Variants in GALNT14 observed in about 807,000 individuals in gnomAD.
GALNT14 encodes the protein polypeptide N-acetylgalactosaminyltransferase 14.
Under a neutral mutation model 77.5 loss-of-function variants are expected in GALNT14, and 60 were observed. The observed-to-expected ratio is 0.77, with a 90% CI of 0.63 to 0.96. The LOEUF is 0.96. Ranked by LOEUF, GALNT14 falls within the 40% of genes least tolerant of loss-of-function variation. The pLI is 0.00. For missense variants in GALNT14, 710 were observed against 731.0 expected (o/e 0.97, Z 0.33); for synonymous variants, 280 against 281.7 (o/e 0.99, Z 0.06).
chr2:30,939,298 G>A (rs112873855), intron 9 of GALNT14, among the ~76,000 whole-genome samples: 51 of 152,296 alleles, frequency 3.3e-4, no homozygotes, highest in African/African-American at 1.1e-3. Flanking sequence ...AAGCTTTCTG[G>A]TTCTAGAGGA....
chr2:31,053,568 AG>A (rs1390559492), intron 1 of GALNT14, among the ~76,000 whole-genome samples: 2 of 152,158 alleles, frequency 1.3e-5, no homozygotes, highest in Admixed American at 6.5e-5. Context: ...AAATGCAACC[AG>A]GGACCATGCC....
At chr2:30,991,703 G>A (rs1275473161) in intron 2 of GALNT14, among the ~76,000 whole-genome samples, 3 of 152,178 alleles carry the variant, frequency 2.0e-5, no homozygotes, top group Non-Finnish European at 4.4e-5. Flanking sequence ...AGCTGCTTTT[G>A]GCAATGATGG....
chr2:30,906,985 G>C, downstream of GALNT14, among the ~76,000 whole-genome samples: 1 of 152,268 alleles, frequency 6.6e-6, no homozygotes, highest in South Asian at 2.1e-4. Flanking sequence ...AATGAAGGCC[G>C]AAATAAAGAT....
At chr2:30,996,069 G>A (rs1347190524) in intron 1 of GALNT14, among the ~76,000 whole-genome samples, 1 of 152,314 alleles carries the variant, frequency 6.6e-6, no homozygotes, top group East Asian at 1.9e-4. Flanking sequence ...CAACGCTGGG[G>A]AGGGCAATCT....
intron 1 of GALNT14, among the ~76,000 whole-genome samples, chr2:31,025,567 G>C (rs944874651): frequency 6.6e-6 from 1 of 152,188 alleles, no homozygotes; most frequent in African/African-American, 2.4e-5. Context: ...CGGCAGGCTT[G>C]TCAACCAACC....
intron 1 of GALNT14, among the ~76,000 whole-genome samples, chr2:31,023,786 C>G (rs1671876341): frequency 6.6e-6 from 1 of 152,092 alleles, no homozygotes; most frequent in Non-Finnish European, 1.5e-5. Context: ...CTTTCCCTCC[C>G]ACCTCTCTGG....
chr2:30,896,361 C>T, the GALNT14 span, among the ~76,000 whole-genome samples: 1 of 152,190 alleles, frequency 6.6e-6, no homozygotes, highest in Non-Finnish European at 1.5e-5. Context: ...ATTTTATCTT[C>T]AGTGTGAGAG....
At chr2:31,073,897 G>A (rs1675587296) in intron 1 of GALNT14, among the ~76,000 whole-genome samples, 1 of 152,194 alleles carries the variant, frequency 6.6e-6, no homozygotes, top group Non-Finnish European at 1.5e-5. Flanking sequence ...GCTGTGCTAA[G>A]GGGAGGAACA....
chr2:31,069,220 A>G (rs1369035922), intron 1 of GALNT14, among the ~76,000 whole-genome samples: 2 of 152,180 alleles, frequency 1.3e-5, no homozygotes, highest in African/African-American at 4.8e-5. Flanking sequence ...TCTTTCTTCT[A>G]TAGAGAGGGA....
At chr2:30,897,077 C>T in the GALNT14 span, among the ~76,000 whole-genome samples, 7 of 152,228 alleles carry the variant, frequency 4.6e-5, 1 homozygote, top group South Asian at 1.2e-3. Context: ...GCAGAATCCT[C>T]TGCCTTGCAT....
chr2:30,973,912 A>G (rs59101719), intron 2 of GALNT14, among the ~76,000 whole-genome samples: 3,555 of 152,304 alleles, frequency 0.023, 144 homozygotes, highest in East Asian at 0.21. Context: ...TGCTGAACAT[A>G]TTATTAATTC....
chr2:30,959,166 T>G lies in GALNT14; in HGVS notation c.399-702A>C, dbSNP rs1359071792. Among the ~76,000 whole-genome samples, 5 of 152,116 alleles carry G rather than the reference T, an allele frequency of 3.3e-5. No individual in the cohort carries two copies. In the South Asian group the frequency reaches 1.0e-3, roughly 32 times the overall value. ...CCACAAGGACCAGTTTGAATGTCAC[T>G]TCCTCCCTAACAGCTTTCCAAGCCA... On this transcript the variant is annotated intron_variant, in intron 3 of 14. Coordinates refer to ENST00000349752, the MANE Select transcript of GALNT14 (RefSeq NM_024572.4).
At chr2:30,893,367 A>G in the GALNT14 span, among the ~76,000 whole-genome samples, 2 of 152,206 alleles carry the variant, frequency 1.3e-5, no homozygotes, top group Admixed American at 1.3e-4. Context: ...GAAAGATAGA[A>G]AACTAGGGAA....
intron 1 of GALNT14, among the ~76,000 whole-genome samples, chr2:31,072,282 T>TACAC (rs1198431998): frequency 2.4e-4 from 9 of 37,812 alleles, no homozygotes; most frequent in African/African-American, 4.8e-4. Flanking sequence ...CACACACACA[T>TACAC]ACACACACAC....
At chr2:30,939,304 G>A (rs1666237645) in intron 9 of GALNT14, among the ~76,000 whole-genome samples, 1 of 152,222 alleles carries the variant, frequency 6.6e-6, no homozygotes, top group African/African-American at 2.4e-5. Context: ...TCTGGTTCTA[G>A]AGGAGGTGGC....
intron 9 of GALNT14, among the ~76,000 whole-genome samples, chr2:30,932,967 C>T (rs1195936357): frequency 6.6e-6 from 1 of 152,088 alleles, no homozygotes; most frequent in African/African-American, 2.4e-5. Flanking sequence ...CTGCTATGGG[C>T]CCTCAGAGAG....
the GALNT14 span, among the ~76,000 whole-genome samples, chr2:30,891,563 A>G: frequency 6.6e-6 from 1 of 152,226 alleles, no homozygotes; most frequent in Non-Finnish European, 1.5e-5. Flanking sequence ...AGCATCTTCC[A>G]AAGACAGCTT....
chr2:30,959,648 T>G (rs1386521274), intron 3 of GALNT14, among the ~76,000 whole-genome samples: 1 of 152,258 alleles, frequency 6.6e-6, no homozygotes, highest in Non-Finnish European at 1.5e-5. Flanking sequence ...ACATGATATT[T>G]GGCACTTTAT....
chr2:31,035,618 T>TAC (rs530565205), intron 1 of GALNT14, among the ~76,000 whole-genome samples: 9,006 of 51,150 alleles, frequency 0.18, 403 homozygotes, highest in East Asian at 0.32. Context: ...CACACACACC[T>TAC]ACACACACAC....
Sources: allele counts gnomAD v4.1 joint callset (sites outside exome capture counted in the v4.1 genomes callset), GRCh38; gene constraint gnomAD v4.1.1; transcripts MANE v1.5; gene names NCBI Gene and HGNC (gene_info 2026-07-23, HGNC 2026-07-21).